HERC4: variants seen among roughly 807,000 people sequenced by gnomAD.
HERC4 encodes probable E3 ubiquitin-protein ligase HERC4.
In HERC4, 28 loss-of-function variants were observed where a neutral mutation model predicts 124.3. That is an observed-to-expected ratio of 0.23 (90% CI 0.17 to 0.31). The LOEUF (loss-of-function observed/expected upper bound fraction) is 0.31. Among genes scored for constraint, HERC4 ranks in the 10% least tolerant of loss-of-function variants. The probability of loss-of-function intolerance (pLI) is 1.00; values close to 1 mark genes in which losing one functional copy is unlikely to be tolerated. For synonymous variants in HERC4, 407 were observed against 421.5 expected, an observed-to-expected ratio of 0.97 and a Z score of 0.42; for missense variants, 713 against 1,229.3, an observed-to-expected ratio of 0.58 and a Z score of 6.28.
At chr10:67,936,030 TA>T in intron 22 of HERC4, 122 bp downstream of exon 22, 1 of 569,880 alleles carries the variant, frequency 1.8e-6, no homozygotes, top group Middle Eastern at 2.9e-4. Flanking sequence ...ATTTCCTCAC[TA>T]ACCACTCAAA....
intron 3 of HERC4, among the ~76,000 whole-genome samples, chr10:68,071,283 T>C (rs1451748512): frequency 6.6e-6 from 1 of 152,214 alleles, no homozygotes; most frequent in Non-Finnish European, 1.5e-5. Flanking sequence ...ATCTCATCTA[T>C]ACAGTTGGAG....
At chr10:67,929,228 T>C (rs765033024) in intron 23 of HERC4, among the ~76,000 whole-genome samples, 1 of 152,226 alleles carries the variant, frequency 6.6e-6, no homozygotes, top group Non-Finnish European at 1.5e-5. Context: ...AAACTGGCTA[T>C]ATTCTGGGGT....
At chr10:67,945,121 A>C (rs2033224608) in intron 19 of HERC4, among the ~76,000 whole-genome samples, 1 of 152,204 alleles carries the variant, frequency 6.6e-6, no homozygotes, top group Admixed American at 6.5e-5. Flanking sequence ...ATACAGAGCA[A>C]ATTTAGCCCA....
intron 3 of HERC4, among the ~76,000 whole-genome samples, chr10:68,050,260 G>A (rs1243423497): frequency 6.6e-6 from 1 of 152,084 alleles, no homozygotes. Flanking sequence ...ACAATAGCGT[G>A]GTCAAATGTA....
At chr10:68,050,375 A>G (rs1253267305) in intron 3 of HERC4, among the ~76,000 whole-genome samples, 1 of 152,244 alleles carries the variant, frequency 6.6e-6, no homozygotes. Context: ...AACTTAAAAA[A>G]TATAAAAGAA....
intron 3 of HERC4, chr10:68,068,530 C>A: frequency 6.6e-6 from 1 of 151,606 alleles, no homozygotes; most frequent in Non-Finnish European, 1.4e-5. Context: ...CATGGTGGCA[C>A]ATAAGTGTAG....
chr10:67,942,208 C>A (rs1378592983), intron 19 of HERC4, among the ~76,000 whole-genome samples: 3 of 152,138 alleles, frequency 2.0e-5, no homozygotes. Context: ...AGTCTAGCCT[C>A]TGTGTTTTCA....
At chr10:67,926,385 G>A (rs1261647694) in intron 23 of HERC4, among the ~76,000 whole-genome samples, 2 of 145,658 alleles carry the variant, frequency 1.4e-5, no homozygotes, top group African/African-American at 2.6e-5. Flanking sequence ...CAACAAGAGC[G>A]AAACTCCATC....
At chr10:67,954,558 T>C (rs1156728721) in intron 19 of HERC4, 37 bp downstream of exon 19, 2 of 1,584,252 alleles carry the variant, frequency 1.3e-6, no homozygotes, top group Admixed American at 3.4e-5. Flanking sequence ...TACATGGGTA[T>C]ATACACAGAA....
intron 3 of HERC4, among the ~76,000 whole-genome samples, chr10:68,047,904 AC>A: frequency 6.6e-6 from 1 of 151,570 alleles, no homozygotes; most frequent in South Asian, 2.1e-4. Flanking sequence ...CCACATAAAC[AC>A]CTGCACATGA....
chr10:67,976,151 A>G (rs1182685015), intron 15 of HERC4, among the ~76,000 whole-genome samples: 1 of 152,172 alleles, frequency 6.6e-6, no homozygotes, highest in Non-Finnish European at 1.5e-5. Flanking sequence ...ACAAAGCATA[A>G]AATACTTACT....
At chr10:68,010,436 C>T in intron 9 of HERC4, 1 of 941,626 alleles carries the variant, frequency 1.1e-6, no homozygotes, top group African/African-American at 1.6e-5. Context: ...TGCTTGATTG[C>T]TTGCCCTTCT....
At chr10:68,040,166 A>C (rs961308482) in intron 4 of HERC4, 34 of 982,724 alleles carry the variant, frequency 3.5e-5, no homozygotes, top group Non-Finnish European at 4.1e-5. Context: ...ATTTGCCAAA[A>C]ATTTTCTAAA....
chr10:67,990,469 A>AC, intron 13 of HERC4, 69 bp from the exon 14 acceptor site: 1 of 1,061,020 alleles, frequency 9.4e-7, no homozygotes, highest in South Asian at 2.5e-5. Flanking sequence ...AAAAAAAAAA[A>AC]AGGAAGGCAG....
At chr10:68,062,562 G>A (rs2041082865) in intron 3 of HERC4, among the ~76,000 whole-genome samples, 1 of 151,720 alleles carries the variant, frequency 6.6e-6, no homozygotes, top group African/African-American at 2.4e-5. Flanking sequence ...GACCAGTATG[G>A]TCAACACAGT....
chr10:67,977,959 C>T (rs1028445810), intron 15 of HERC4, among the ~76,000 whole-genome samples: 1 of 151,088 alleles, frequency 6.6e-6, no homozygotes, highest in African/African-American at 2.4e-5. Context: ...CCAGCCTGGG[C>T]AATAGAGCCA....
At chr10:68,067,212 A>G (rs149132652) in intron 3 of HERC4, 1 of 152,768 alleles carries the variant, frequency 6.5e-6, no homozygotes, top group East Asian at 1.9e-4. Context: ...CCTCAGATGT[A>G]GGGTCCTACA....
intron 19 of HERC4, among the ~76,000 whole-genome samples, chr10:67,949,571 T>C (rs1293090550): frequency 1.3e-5 from 2 of 152,116 alleles, no homozygotes; most frequent in Non-Finnish European, 1.5e-5. Flanking sequence ...AACAAAATAA[T>C]AGCAACCTCA....
At chr10:68,058,278 G>A (rs954445338) in intron 3 of HERC4, among the ~76,000 whole-genome samples, 1 of 152,020 alleles carries the variant, frequency 6.6e-6, no homozygotes, top group African/African-American at 2.4e-5. Context: ...GAAGACTAAA[G>A]GCAAAGAAGT....
Sources: gnomAD v4.1 joint callset for allele counts (sites outside exome capture counted in the v4.1 genomes callset) on GRCh38, gnomAD v4.1.1 for gene constraint, MANE v1.5 for transcripts, NCBI Gene and HGNC (gene_info 2026-07-23, HGNC 2026-07-21) for gene names.